Variants in PIK3AP1 observed in about 807,000 individuals in gnomAD.
The protein encoded by PIK3AP1 is phosphoinositide 3-kinase adapter protein 1.
A neutral mutation model predicts 88.1 loss-of-function variants in PIK3AP1; 21 were observed. That is an observed-to-expected ratio of 0.24 (90% CI 0.17 to 0.34). The LOEUF (loss-of-function observed/expected upper bound fraction) is 0.34. PIK3AP1 is among the 10% of genes least tolerant of loss of function. PIK3AP1 has a pLI of 1.00. For synonymous variants in PIK3AP1, 398 were observed against 400.0 expected, an observed-to-expected ratio of 1.00 and a Z score of 0.06; for missense variants, 828 against 1,035.7, an observed-to-expected ratio of 0.80 and a Z score of 2.75.
At chr10:96,638,783 C>T (rs1421629193) in intron 8 of PIK3AP1, among the ~76,000 whole-genome samples, 1 of 152,192 alleles carries the variant, frequency 6.6e-6, no homozygotes, top group African/African-American at 2.4e-5. Context: ...CTCCACAGCA[C>T]TGTCACAGTT....
intron 2 of PIK3AP1, among the ~76,000 whole-genome samples, chr10:96,662,676 C>T (rs1212018074): frequency 2.0e-5 from 3 of 149,718 alleles, no homozygotes; most frequent in South Asian, 2.1e-4. Flanking sequence ...GTCAGGAGAT[C>T]GAGACCATCC....
At chr10:96,614,335 C>G (rs1401690456) in intron 13 of PIK3AP1, among the ~76,000 whole-genome samples, 2 of 152,068 alleles carry the variant, frequency 1.3e-5, no homozygotes, top group East Asian at 3.9e-4. Flanking sequence ...AGCATCTCAT[C>G]TCTTTTATCA....
chr10:96,622,969 G>C (rs559909026), intron 11 of PIK3AP1, among the ~76,000 whole-genome samples: 1 of 152,186 alleles, frequency 6.6e-6, no homozygotes, highest in African/African-American at 2.4e-5. Flanking sequence ...TTATCATTAG[G>C]TAAAGACTGA....
intron 1 of PIK3AP1, among the ~76,000 whole-genome samples, chr10:96,717,748 C>T (rs552947449): frequency 5.3e-5 from 8 of 152,296 alleles, no homozygotes; most frequent in African/African-American, 1.4e-4. Context: ...AAGTCACTCA[C>T]GGATCCTCTC....
At chr10:96,607,748 T>C (rs766646204) in intron 14 of PIK3AP1, among the ~76,000 whole-genome samples, 2 of 152,178 alleles carry the variant, frequency 1.3e-5, no homozygotes, top group Non-Finnish European at 2.9e-5. Flanking sequence ...AGAGGTTTCC[T>C]TGGATGTTCC....
chr10:96,656,893 C>T lies in PIK3AP1; in HGVS notation c.472G>A (p.Glu158Lys), dbSNP rs890066582. The T allele has an allele frequency of 1.9e-6, 3 of 1,614,132 alleles. No homozygotes were observed. The highest frequency in any genetic ancestry group is 2.2e-5 in the South Asian group (2 of 91,078). ...TGCTTCGAGTAGGAAACAACCTTCTCGTCCTCAGGCTCAGTGTCAGTGACT... is the reference window on the plus strand; with the variant it reads ...TGCTTCGAGTAGGAAACAACCTTCTTGTCCTCAGGCTCAGTGTCAGTGACT... ...DSVTDTEPED[E>K]KVVSYSKQQN... The change falls in exon 3 of 17, where the codon GAG becomes AAG. Residue 158 changes from glutamate (E) to lysine (K), a missense_variant. By Grantham distance (56) the Glu-to-Lys change is moderately conservative (BLOSUM62 1). Transcript: ENST00000339364.
chr10:96,624,504 C>T (rs1453416587), intron 10 of PIK3AP1, among the ~76,000 whole-genome samples: 4 of 152,040 alleles, frequency 2.6e-5, no homozygotes, highest in African/African-American at 9.7e-5. Flanking sequence ...TTACAATATC[C>T]ATTTTATAGA....
rs1400775449 is a variant in PIK3AP1, at chr10:96,656,945, G to A, written c.431-11C>T. On this transcript the variant is annotated splice_polypyrimidine_tract_variant and intron_variant, in intron 2 of 16. Transcript: ENST00000339364. ...AGTCACAGCCAGAATCTACAAAATA[G>A]AGGACACCGCTGAATGGGAACGGCA... The A allele has an allele frequency of 1.2e-6, 2 of 1,613,616 alleles. No homozygotes were observed. The highest frequency in any genetic ancestry group is 1.3e-5 in the African/African-American group (1 of 74,894).
At chr10:96,691,092 CCT>C (rs1844148450) in intron 2 of PIK3AP1, among the ~76,000 whole-genome samples, 1 of 152,252 alleles carries the variant, frequency 6.6e-6, no homozygotes, top group Non-Finnish European at 1.5e-5. Flanking sequence ...TTGCTTAATT[CCT>C]CTTTTTCCCA....
chr10:96,702,647 C>CAT (rs1294627147), intron 2 of PIK3AP1, among the ~76,000 whole-genome samples: 3 of 150,606 alleles, frequency 2.0e-5, no homozygotes, highest in African/African-American at 7.4e-5. Flanking sequence ...CACACACACA[C>CAT]AATGGTAACT....
At chr10:96,679,484 C>T (rs1843969591) in intron 2 of PIK3AP1, among the ~76,000 whole-genome samples, 1 of 151,680 alleles carries the variant, frequency 6.6e-6, no homozygotes, top group Non-Finnish European at 1.5e-5. Context: ...GCCGAGATCT[C>T]GCTGCTGCAC....
At chr10:96,633,130 C>T in intron 8 of PIK3AP1, 2 of 1,475,300 alleles carry the variant, frequency 1.4e-6, no homozygotes, top group Non-Finnish European at 1.8e-6. Context: ...GAGAGGTATG[C>T]CAGAGTCAAT....
intron 16 of PIK3AP1, among the ~76,000 whole-genome samples, chr10:96,597,562 C>T (rs1848797938): frequency 6.6e-6 from 1 of 151,988 alleles, no homozygotes; most frequent in South Asian, 2.1e-4. Flanking sequence ...AGGTTCAGAA[C>T]CTATAGGAAC....
chr10:96,710,746 C>CTA (rs1844428472), intron 1 of PIK3AP1, among the ~76,000 whole-genome samples: 1 of 152,150 alleles, frequency 6.6e-6, no homozygotes, highest in East Asian at 1.9e-4. Context: ...AAGGTAGGTA[C>CTA]TATTATTAGC....
chr10:96,609,155 CTTCT>C (rs1348488529), intron 14 of PIK3AP1, among the ~76,000 whole-genome samples: 4 of 152,202 alleles, frequency 2.6e-5, no homozygotes, highest in African/African-American at 9.6e-5. Flanking sequence ...TTCTTTTTCT[CTTCT>C]TTCTTTTTAT....
intron 2 of PIK3AP1, among the ~76,000 whole-genome samples, chr10:96,658,669 A>G (rs1303576583): frequency 6.6e-6 from 1 of 152,132 alleles, no homozygotes; most frequent in Non-Finnish European, 1.5e-5. Flanking sequence ...GGGCTGCCCT[A>G]GAGAGCAACA....
At chr10:96,608,743 G>A (rs755115446) in intron 14 of PIK3AP1, among the ~76,000 whole-genome samples, 2 of 152,152 alleles carry the variant, frequency 1.3e-5, no homozygotes, top group African/African-American at 4.8e-5. Context: ...GATTCTCAAG[G>A]GGCTTTGTGA....
At chr10:96,612,790 T>C (rs984100893) in intron 13 of PIK3AP1, among the ~76,000 whole-genome samples, 1 of 151,604 alleles carries the variant, frequency 6.6e-6, no homozygotes. Flanking sequence ...GATTCCTCCC[T>C]GTCTCACTTC....
chr10:96,713,971 C>T (rs950645399), intron 1 of PIK3AP1, among the ~76,000 whole-genome samples: 13 of 152,068 alleles, frequency 8.5e-5, no homozygotes, highest in African/African-American at 2.7e-4. Context: ...GTCAGGAGTT[C>T]GAGACCAGCC....
Sources: allele counts gnomAD v4.1 joint callset (sites outside exome capture counted in the v4.1 genomes callset), GRCh38; gene constraint gnomAD v4.1.1; transcripts MANE v1.5; gene names NCBI Gene and HGNC (gene_info 2026-07-23, HGNC 2026-07-21).